The following SUGCT variants were observed in gnomAD, a reference collection of about 807,000 sequenced individuals.
SUGCT encodes succinyl-CoA:glutarate CoA-transferase.
Under a neutral mutation model 55.0 loss-of-function variants are expected in SUGCT, and 41 were observed. The ratio of observed to expected loss-of-function variants is 0.74; its 90% CI spans 0.58 to 0.97. The LOEUF (loss-of-function observed/expected upper bound fraction) is 0.97. Among genes scored for constraint, SUGCT ranks in the 50% least tolerant of loss-of-function variants. SUGCT has a pLI of 0.00. For synonymous variants in SUGCT, 187 were observed against 200.4 expected (o/e 0.93, Z 0.56); for missense variants, 568 against 547.8 (o/e 1.04, Z -0.37).
intron 9 of SUGCT, among the ~76,000 whole-genome samples, chr7:40,344,954 G>A (rs775346037): frequency 6.6e-6 from 1 of 152,178 alleles, no homozygotes. Context: ...CCAAGGATTA[G>A]GCACATAGTA....
chr7:40,189,091 C>G (rs567166864), intron 4 of SUGCT, among the ~76,000 whole-genome samples: 2 of 152,312 alleles, frequency 1.3e-5, no homozygotes, highest in South Asian at 4.2e-4. Flanking sequence ...TGCCTTTAAT[C>G]CCAGCACTTT....
intron 13 of SUGCT, among the ~76,000 whole-genome samples, chr7:40,752,795 A>G (rs1788083302): frequency 6.6e-6 from 1 of 152,198 alleles, no homozygotes; most frequent in Non-Finnish European, 1.5e-5. Flanking sequence ...CTTGACTACA[A>G]CAGAGTTCTC....
At chr7:40,814,562 T>C (rs528558678) in intron 13 of SUGCT, among the ~76,000 whole-genome samples, 1 of 152,170 alleles carries the variant, frequency 6.6e-6, no homozygotes, top group African/African-American at 2.4e-5. Flanking sequence ...GTTTGATTTT[T>C]TTTTTAAAGA....
intron 9 of SUGCT, among the ~76,000 whole-genome samples, chr7:40,363,336 A>G (rs950926019): frequency 6.6e-6 from 1 of 151,602 alleles, no homozygotes; most frequent in Non-Finnish European, 1.5e-5. Flanking sequence ...GATTTTAGTT[A>G]TTTCTTGCCT....
At chr7:40,582,824 T>C (rs1392933228) in intron 12 of SUGCT, among the ~76,000 whole-genome samples, 3 of 152,190 alleles carry the variant, frequency 2.0e-5, no homozygotes, top group Non-Finnish European at 4.4e-5. Context: ...ATAGTCAGTA[T>C]ATATTAGCTC....
intron 12 of SUGCT, among the ~76,000 whole-genome samples, chr7:40,590,884 C>T (rs1430351876): frequency 6.6e-6 from 1 of 152,120 alleles, no homozygotes; most frequent in Non-Finnish European, 1.5e-5. Flanking sequence ...TATTTTAAGA[C>T]CACTGTCGAG....
the SUGCT span, among the ~76,000 whole-genome samples, chr7:40,895,079 G>C: frequency 1.3e-5 from 2 of 152,286 alleles, no homozygotes; most frequent in Admixed American, 6.5e-5. Context: ...ATCAGTAGTA[G>C]AGTGGATGAA....
chr7:40,439,078 A>G (rs377256458), intron 9 of SUGCT, among the ~76,000 whole-genome samples: 16,845 of 82,922 alleles, frequency 0.2, 3,261 homozygotes, highest in Non-Finnish European at 0.28. Flanking sequence ...ATATATATAT[A>G]TATATATATA....
intron 9 of SUGCT, among the ~76,000 whole-genome samples, chr7:40,409,130 T>A (rs186876138): frequency 1.6e-4 from 24 of 152,204 alleles, no homozygotes; most frequent in Non-Finnish European, 2.8e-4. Flanking sequence ...AAGTTTTGTA[T>A]TTTTTGTTGA....
intron 8 of SUGCT, among the ~76,000 whole-genome samples, chr7:40,297,577 C>T (rs1455014069): frequency 6.6e-6 from 1 of 151,782 alleles, no homozygotes; most frequent in African/African-American, 2.4e-5. Context: ...TGACCTCTTT[C>T]GCTAAAAGAG....
rs1048171087 is a variant in SUGCT, at chr7:40,775,176, T to C, written c.1153+25679T>C. 7.5e-4 allele frequency among the ~76,000 whole-genome samples: 114 copies of C among 152,352 alleles called. 2 individuals carry two copies. Among genetic ancestry groups the C allele is most frequent in the East Asian group, 1.5e-3 (8 of 5,180 alleles). On this transcript the variant is annotated intron_variant, in intron 13 of 13. Coordinates refer to ENST00000335693, the MANE Select transcript of SUGCT (RefSeq NM_001193313.2). ...TGAAGGTTTTGAAAGATAAATGTGC[T>C]TTACCATCTGTAAACACTAATGTGG...
At chr7:41,003,662 C>T in the SUGCT span, among the ~76,000 whole-genome samples, 1 of 152,140 alleles carries the variant, frequency 6.6e-6, no homozygotes, top group Non-Finnish European at 1.5e-5. Flanking sequence ...GCCCAGCCCA[C>T]CCTATAATTT....
At chr7:40,748,100 G>A (rs907513760) in intron 12 of SUGCT, among the ~76,000 whole-genome samples, 1 of 152,030 alleles carries the variant, frequency 6.6e-6, no homozygotes, top group Non-Finnish European at 1.5e-5. Context: ...CCAAGCCAAA[G>A]CTACCTTGTG....
At chr7:40,481,956 G>A (rs750503315) in intron 11 of SUGCT, among the ~76,000 whole-genome samples, 15 of 152,108 alleles carry the variant, frequency 9.9e-5, no homozygotes, top group Non-Finnish European at 2.2e-4. Flanking sequence ...TCTTGGAGAT[G>A]AGGACTTTTG....
intron 12 of SUGCT, among the ~76,000 whole-genome samples, chr7:40,530,283 A>G (rs1246718203): frequency 2.0e-5 from 3 of 152,224 alleles, no homozygotes; most frequent in Non-Finnish European, 1.5e-5. Flanking sequence ...GCGACAGAAA[A>G]TGACTGTTTA....
At chr7:40,591,923 C>G (rs1562885393) in intron 12 of SUGCT, among the ~76,000 whole-genome samples, 3 of 152,098 alleles carry the variant, frequency 2.0e-5, no homozygotes, top group Admixed American at 6.6e-5. Flanking sequence ...ATTCATGTGA[C>G]TTATTTTATT....
chr7:40,785,070 C>T (rs1563002817), intron 13 of SUGCT: 4 of 152,234 alleles, frequency 2.6e-5, no homozygotes, highest in Admixed American at 6.5e-5. Context: ...CCTCCTACAC[C>T]CCTCCAACAT....
chr7:40,666,419 GTTTTTTTTT>G (rs70990637), intron 12 of SUGCT, among the ~76,000 whole-genome samples: 12 of 72,236 alleles, frequency 1.7e-4, no homozygotes, highest in African/African-American at 5.6e-4. Context: ...TTATAGGTTA[GTTTTTTTTT>G]TTTTTTTTTT....
intron 12 of SUGCT, among the ~76,000 whole-genome samples, chr7:40,644,553 A>G (rs1008393292): frequency 1.3e-5 from 2 of 152,202 alleles, no homozygotes; most frequent in Non-Finnish European, 1.5e-5. Context: ...GTTGATCCCA[A>G]GAAACCATGC....
Sources: gnomAD v4.1 joint callset for allele counts (sites outside exome capture counted in the v4.1 genomes callset) on GRCh38, gnomAD v4.1.1 for gene constraint, MANE v1.5 for transcripts, NCBI Gene and HGNC (gene_info 2026-07-23, HGNC 2026-07-21) for gene names.